CRYBG1: variants seen among roughly 807,000 people sequenced by gnomAD.
CRYBG1 encodes the protein crystallin beta-gamma domain containing 1, also known as beta/gamma crystallin domain-containing protein 1.
Under a neutral mutation model 189.2 loss-of-function variants are expected in CRYBG1, and 139 were observed. The ratio of observed to expected loss-of-function variants is 0.73; its 90% confidence interval spans 0.64 to 0.85. The LOEUF is 0.85. Among genes scored for constraint, CRYBG1 ranks in the 40% least tolerant of loss-of-function variants. The probability of loss-of-function intolerance (pLI) is 0.00; values close to 1 mark genes in which losing one functional copy is unlikely to be tolerated. For missense variants in CRYBG1, 2,611 were observed against 2,675.8 expected, an observed-to-expected ratio of 0.98 and a Z score of 0.53; for synonymous variants, 1,023 against 1,017.1, an observed-to-expected ratio of 1.01 and a Z score of -0.11.
chr6:106,474,737 C>T (rs1206681292), intron 2 of CRYBG1, among the ~76,000 whole-genome samples: 1 of 152,044 alleles, frequency 6.6e-6, no homozygotes, highest in Non-Finnish European at 1.5e-5. Flanking sequence ...TGTCCATGGG[C>T]AGGCGTAGGA....
At position 106,558,594 on chromosome 6, in the gene CRYBG1, C is replaced by T. The variant is rs1342431045; in HGVS notation, c.5824C>T (p.Gln1942Ter). Residue 1942 changes from glutamine (Q) to a stop codon, truncating the protein, a stop_gained, in exon 18 of 22, where the codon CAA becomes TAA. Transcript: ENST00000633556. LOFTEE classifies it high-confidence loss of function. ...VNLRSLGFNT[Q>*]IRSVQVIGGI... ...TCTCCGATCCCTGGGATTCAACACA[C>T]AAATACGCTCTGTTCAGGTTATTGG... The T allele has an allele frequency of 6.2e-7, 1 of 1,613,076 alleles. No individual in the cohort carries two copies. The highest frequency in any genetic ancestry group is 8.5e-7 in the Non-Finnish European group (1 of 1,179,700).
intron 3 of CRYBG1, among the ~76,000 whole-genome samples, chr6:106,517,473 C>CAT (rs982374335): frequency 4.8e-5 from 7 of 145,550 alleles, no homozygotes; most frequent in South Asian, 4.4e-4. Flanking sequence ...TACACACACA[C>CAT]ATATATATAT....
intron 21 of CRYBG1, among the ~76,000 whole-genome samples, chr6:106,567,524 C>T (rs923458497): frequency 2.0e-5 from 3 of 152,170 alleles, no homozygotes; most frequent in South Asian, 4.1e-4. Context: ...TTTATTTCTT[C>T]TTGATCCAAG....
chr6:106,378,380 G>A (rs532824180), intron 1 of CRYBG1, among the ~76,000 whole-genome samples: 17 of 152,346 alleles, frequency 1.1e-4, no homozygotes, highest in African/African-American at 4.1e-4. Context: ...AGGTGGAAGT[G>A]TGGGGCCTGT....
At chr6:106,559,932 T>C (rs1381486275) in intron 18 of CRYBG1, among the ~76,000 whole-genome samples, 2 of 149,320 alleles carry the variant, frequency 1.3e-5, no homozygotes, top group East Asian at 4.0e-4. Context: ...CTGTCTCTAT[T>C]GAAAACACAA....
At chr6:106,526,958 A>G (rs1327011727) in intron 6 of CRYBG1, among the ~76,000 whole-genome samples, 29 of 150,474 alleles carry the variant, frequency 1.9e-4, no homozygotes, top group African/African-American at 3.2e-4. Context: ...AAAAAAAAAA[A>G]AGAGACAAAA....
chr6:106,393,915 C>T (rs1405571607), intron 1 of CRYBG1, among the ~76,000 whole-genome samples: 6 of 152,094 alleles, frequency 3.9e-5, no homozygotes, highest in South Asian at 2.1e-4. Flanking sequence ...TCAGGTGATC[C>T]GCCCACCTTG....
At chr6:106,382,052 C>A (rs1770299766) in intron 1 of CRYBG1, among the ~76,000 whole-genome samples, 1 of 152,198 alleles carries the variant, frequency 6.6e-6, no homozygotes, top group African/African-American at 2.4e-5. Context: ...TCCTCCTCAG[C>A]TGTGTCAGTT....
chr6:106,397,022 G>A (rs950019838), intron 1 of CRYBG1, among the ~76,000 whole-genome samples: 1 of 152,214 alleles, frequency 6.6e-6, no homozygotes, highest in Non-Finnish European at 1.5e-5. Flanking sequence ...GGTATGTAGA[G>A]ACATCTAAAC....
intron 2 of CRYBG1, among the ~76,000 whole-genome samples, chr6:106,501,494 T>C (rs189122766): frequency 2.9e-4 from 44 of 152,342 alleles, no homozygotes; most frequent in African/African-American, 9.9e-4. Context: ...TTGAGAACCA[T>C]AAATTCATTG....
intron 3 of CRYBG1, among the ~76,000 whole-genome samples, chr6:106,517,261 T>G (rs1773444356): frequency 6.7e-6 from 1 of 149,576 alleles, no homozygotes; most frequent in Non-Finnish European, 1.5e-5. Flanking sequence ...TCCTCCCTCC[T>G]TGACCTCCCA....
chr6:106,377,647 A>T (rs376256312), intron 1 of CRYBG1, among the ~76,000 whole-genome samples: 2,545 of 144,240 alleles, frequency 0.018, 71 homozygotes, highest in South Asian at 0.044. Context: ...ATATATATAT[A>T]TTTTCATTTG....
At chr6:106,549,720 A>G (rs915341960) in intron 13 of CRYBG1, among the ~76,000 whole-genome samples, 1 of 152,064 alleles carries the variant, frequency 6.6e-6, no homozygotes, top group African/African-American at 2.4e-5. Context: ...CTCCATTTGG[A>G]TGGCTGGGAG....
chr6:106,466,743 C>T (rs1357634896), intron 2 of CRYBG1, among the ~76,000 whole-genome samples: 1 of 152,060 alleles, frequency 6.6e-6, no homozygotes, highest in African/African-American at 2.4e-5. Context: ...CATAAGAGAA[C>T]AAGTTAAGTA....
At position 106,509,757 on chromosome 6, in the gene CRYBG1, G is replaced by A. The variant is rs1269205569; in HGVS notation, c.313-1673G>A. The stretch of plus-strand genomic sequence containing the variant: ...CCCTGTGGCTGAATGGAAGGAGCAT[G>A]GGGTGGGCAGGAGGCGACTTGGATT... On this transcript the variant is annotated intron_variant, in intron 2 of 21. Transcript: ENST00000633556. Among the ~76,000 whole-genome samples, 3 of 152,102 alleles carry A rather than the reference G, an allele frequency of 2.0e-5. No homozygotes were observed. The East Asian group carries it at 5.8e-4, about 29-fold the overall frequency.
At chr6:106,472,113 A>T (rs1772244219) in intron 2 of CRYBG1, among the ~76,000 whole-genome samples, 1 of 152,204 alleles carries the variant, frequency 6.6e-6, no homozygotes, top group African/African-American at 2.4e-5. Context: ...TGCAAATATA[A>T]ACTGTTTCTG....
chr6:106,446,618 T>C (rs1771669038), intron 1 of CRYBG1, among the ~76,000 whole-genome samples: 1 of 152,230 alleles, frequency 6.6e-6, no homozygotes, highest in Non-Finnish European at 1.5e-5. Flanking sequence ...AGGCTACACA[T>C]ATTTAAATGC....
At chr6:106,474,601 G>T (rs760008308) in intron 2 of CRYBG1, among the ~76,000 whole-genome samples, 1 of 151,816 alleles carries the variant, frequency 6.6e-6, no homozygotes, top group Non-Finnish European at 1.5e-5. Context: ...GCTTTTAAAA[G>T]GCCTATGTGT....
rs1231059375 is a variant in CRYBG1 at position 106,451,823 on chromosome 6, A to G, written c.303A>G (p.Ile101Met). The G allele has an allele frequency of 6.5e-7, 1 of 1,534,318 alleles. No homozygotes were observed. The highest frequency in any genetic ancestry group is 2.0e-5 in the Admixed American group (1 of 50,860). Residue 101 changes from isoleucine (I) to methionine (M), a missense_variant, in exon 2 of 22, where the codon ATA (isoleucine) becomes ATG (methionine). Physicochemically the swap from Ile to Met is conservative, Grantham distance 10. Coordinates refer to ENST00000633556, the MANE Select transcript of CRYBG1 (RefSeq NM_001371242.2). ...ALGSLLLESG[I>M]FKKSRAQPPE... Reference sequence around the variant, plus strand: ...GTTCCTTACTTCTAGAGTCTGGAATATTTAAAAAGGTAATGCTTCATTTCT... The same window carrying G: ...GTTCCTTACTTCTAGAGTCTGGAATGTTTAAAAAGGTAATGCTTCATTTCT...
Sources: allele counts gnomAD v4.1 joint callset (sites outside exome capture counted in the v4.1 genomes callset), GRCh38; gene constraint gnomAD v4.1.1; transcripts MANE v1.5; gene names NCBI Gene and HGNC (gene_info 2026-07-23, HGNC 2026-07-21).